The following CSTPP1 variants were observed in gnomAD, a reference collection of about 807,000 sequenced individuals.
CSTPP1 encodes the protein centriolar satellite-associated tubulin polyglutamylase complex regulator 1.
chr11:47,155,076 C>A, the CSTPP1 span: 1 of 956,044 alleles, frequency 1.0e-6, no homozygotes. Flanking sequence ...TCTCTCTCTC[C>A]CTCTCCCCCG....
chr11:46,997,603 G>A, the CSTPP1 span, among the ~76,000 whole-genome samples: 1 of 152,166 alleles, frequency 6.6e-6, no homozygotes, highest in Non-Finnish European at 1.5e-5. Context: ...TCTGTTGCTG[G>A]CGAGGATCTG....
the CSTPP1 span, among the ~76,000 whole-genome samples, chr11:47,077,208 T>C: frequency 6.6e-6 from 1 of 151,796 alleles, no homozygotes; most frequent in Non-Finnish European, 1.5e-5. Context: ...TTTTTTTTTT[T>C]TTTCTTTTTA....
chr11:47,146,549 C>G, the CSTPP1 span, among the ~76,000 whole-genome samples: 1 of 152,116 alleles, frequency 6.6e-6, no homozygotes, highest in African/African-American at 2.4e-5. Flanking sequence ...AATTGAGATA[C>G]CACTTCATAC....
At chr11:47,155,199 T>C in the CSTPP1 span, 4 of 1,613,788 alleles carry the variant, frequency 2.5e-6, no homozygotes, top group Middle Eastern at 1.6e-4. Flanking sequence ...GACGATGCCA[T>C]GGACTGCTTG....
chr11:47,116,960 C>T, the CSTPP1 span, among the ~76,000 whole-genome samples: 4 of 152,094 alleles, frequency 2.6e-5, no homozygotes, highest in East Asian at 1.9e-4. Context: ...GGATTATAGG[C>T]GTGAGCCACC....
At chr11:46,992,626 C>T in the CSTPP1 span, among the ~76,000 whole-genome samples, 2 of 152,080 alleles carry the variant, frequency 1.3e-5, no homozygotes, top group Non-Finnish European at 2.9e-5. Context: ...TTTTCTTAAC[C>T]CAGTCTATCA....
the CSTPP1 span, among the ~76,000 whole-genome samples, chr11:46,974,154 G>T: frequency 6.6e-6 from 1 of 151,848 alleles, no homozygotes; most frequent in South Asian, 2.1e-4. Context: ...GATTCCTTGA[G>T]CCCAGCTGTG....
the CSTPP1 span, chr11:47,162,296 T>C: frequency 5.1e-6 from 5 of 978,734 alleles, no homozygotes; most frequent in Non-Finnish European, 3.6e-6. Flanking sequence ...AGAGGGGGAG[T>C]TTGGGTTTTC....
At chr11:47,025,423 T>G in the CSTPP1 span, among the ~76,000 whole-genome samples, 1 of 152,182 alleles carries the variant, frequency 6.6e-6, no homozygotes, top group African/African-American at 2.4e-5. Context: ...TAAACCCCCT[T>G]CAATTTTATT....
At chr11:47,004,156 G>T in the CSTPP1 span, among the ~76,000 whole-genome samples, 3 of 148,184 alleles carry the variant, frequency 2.0e-5, no homozygotes, top group Non-Finnish European at 3.0e-5. Context: ...GTTGTTACTG[G>T]TTTGTTTTTG....
At chr11:47,020,746 A>G in the CSTPP1 span, among the ~76,000 whole-genome samples, 1 of 152,228 alleles carries the variant, frequency 6.6e-6, no homozygotes, top group Admixed American at 6.5e-5. Flanking sequence ...GATAACTAAA[A>G]CAGTGGTTGA....
At chr11:46,984,586 C>CT in the CSTPP1 span, among the ~76,000 whole-genome samples, 23,751 of 150,694 alleles carry the variant, frequency 0.16, 6,291 homozygotes, top group African/African-American at 0.55. Context: ...AAAATTCCTG[C>CT]TTTTTTTTTC....
At chr11:47,032,133 C>T in the CSTPP1 span, among the ~76,000 whole-genome samples, 1 of 152,110 alleles carries the variant, frequency 6.6e-6, no homozygotes, top group African/African-American at 2.4e-5. Flanking sequence ...CCGACACACC[C>T]AGGATCAATA....
At chr11:47,093,516 A>G in the CSTPP1 span, among the ~76,000 whole-genome samples, 1 of 152,240 alleles carries the variant, frequency 6.6e-6, no homozygotes, top group Non-Finnish European at 1.5e-5. Context: ...TGGAGCTTAC[A>G]TTCCATGATG....
At chr11:46,940,889 T>C in the CSTPP1 span, among the ~76,000 whole-genome samples, 1 of 152,256 alleles carries the variant, frequency 6.6e-6, no homozygotes, top group Admixed American at 6.5e-5. Context: ...CTTGGGTGTT[T>C]GCTGTTTGAA....
At chr11:47,118,567 G>A in the CSTPP1 span, among the ~76,000 whole-genome samples, 1 of 152,152 alleles carries the variant, frequency 6.6e-6, no homozygotes, top group East Asian at 1.9e-4. Context: ...TTCTGCTCTG[G>A]TTTCTCCCCA....
At chr11:46,951,274 A>G in the CSTPP1 span, among the ~76,000 whole-genome samples, 36 of 150,380 alleles carry the variant, frequency 2.4e-4, no homozygotes, top group South Asian at 7.4e-3. Context: ...TCTACAGAAT[A>G]TATGATATAT....
the CSTPP1 span, among the ~76,000 whole-genome samples, chr11:47,101,164 ATTTT>A: frequency 6.6e-5 from 2 of 30,374 alleles, no homozygotes; most frequent in African/African-American, 3.6e-4. Flanking sequence ...ACACCGGCTA[ATTTT>A]TTTTTTTTTT....
chr11:47,069,887 T>A, the CSTPP1 span, among the ~76,000 whole-genome samples: 1 of 152,174 alleles, frequency 6.6e-6, no homozygotes, highest in Non-Finnish European at 1.5e-5. Flanking sequence ...CTAATTTTTG[T>A]GTTTTTAGTA....
Sources: allele counts gnomAD v4.1 joint callset (sites outside exome capture counted in the v4.1 genomes callset), GRCh38; gene constraint gnomAD v4.1.1; transcripts MANE v1.5; gene names NCBI Gene and HGNC (gene_info 2026-07-23, HGNC 2026-07-21).